Variants in TRDN observed in about 807,000 individuals in gnomAD.
TRDN encodes triadin in skeletal muscle.
In TRDN, 161 loss-of-function variants were observed where a neutral mutation model predicts 149.7. The ratio of observed to expected loss-of-function variants is 1.08; its 90% CI spans 0.95 to 1.23. The LOEUF is 1.23. TRDN is among the 50% of genes most tolerant of loss of function. The pLI, the probability that TRDN is intolerant of heterozygous loss-of-function variation, is 0.00. For missense variants in TRDN, 896 were observed against 823.5 expected (o/e 1.09, Z -1.08); for synonymous variants, 294 against 250.5 (o/e 1.17, Z -1.64).
chr6:123,503,151 T>C, intron 8 of TRDN: 1 of 985,252 alleles, frequency 1.0e-6, no homozygotes, highest in Non-Finnish European at 1.2e-6. Context: ...AGAAATTTAG[T>C]CAATGGAAAC....
At chr6:123,621,040 T>G (rs1482234185) in intron 1 of TRDN, among the ~76,000 whole-genome samples, 1 of 152,070 alleles carries the variant, frequency 6.6e-6, no homozygotes, top group Non-Finnish European at 1.5e-5. Flanking sequence ...ACCTTTTTTG[T>G]CCACTGCTAT....
chr6:123,388,891 G>A (rs1050519473), intron 13 of TRDN, among the ~76,000 whole-genome samples: 1 of 151,928 alleles, frequency 6.6e-6, no homozygotes, highest in African/African-American at 2.4e-5. Flanking sequence ...GTAAAATATA[G>A]GCTGTGACTG....
intron 8 of TRDN, chr6:123,503,298 C>T: frequency 1.0e-6 from 1 of 985,304 alleles, no homozygotes; most frequent in Non-Finnish European, 1.2e-6. Flanking sequence ...GATATTTACT[C>T]TATATGATTC....
chr6:123,351,416 C>T (rs1780459331), intron 21 of TRDN: 1 of 984,724 alleles, frequency 1.0e-6, no homozygotes, highest in Non-Finnish European at 1.2e-6. Flanking sequence ...AGTGCTCCCA[C>T]TTTATATTTC....
intron 12 of TRDN, among the ~76,000 whole-genome samples, chr6:123,428,053 A>G (rs1276169166): frequency 1.3e-5 from 2 of 152,180 alleles, no homozygotes; most frequent in Non-Finnish European, 2.9e-5. Flanking sequence ...CCATCTAGAA[A>G]TGACTTCTTG....
At chr6:123,281,358 C>G (rs1777578893) in intron 24 of TRDN, among the ~76,000 whole-genome samples, 1 of 151,954 alleles carries the variant, frequency 6.6e-6, no homozygotes, top group African/African-American at 2.4e-5. Context: ...TTTTACAGAA[C>G]CCCACCTACT....
intron 1 of TRDN, among the ~76,000 whole-genome samples, chr6:123,583,638 T>A (rs747056556): frequency 6.6e-6 from 1 of 151,924 alleles, no homozygotes; most frequent in African/African-American, 2.4e-5. Flanking sequence ...CAGACTGTAT[T>A]GAGGTAGGAA....
At chr6:123,339,905 C>T (rs185492909) in intron 21 of TRDN, among the ~76,000 whole-genome samples, 27 of 152,092 alleles carry the variant, frequency 1.8e-4, no homozygotes, top group African/African-American at 6.5e-4. Flanking sequence ...TATTGCCAGA[C>T]CTTTAAAAAT....
At chr6:123,544,409 A>G (rs1336001930) in intron 4 of TRDN, among the ~76,000 whole-genome samples, 2 of 151,998 alleles carry the variant, frequency 1.3e-5, no homozygotes, top group South Asian at 2.1e-4. Flanking sequence ...ACGGTTATAA[A>G]CCGGGCATGC....
intron 5 of TRDN, 54 bp downstream of exon 5, chr6:123,530,452 A>T (rs762840641): frequency 9.3e-7 from 1 of 1,076,254 alleles, no homozygotes; most frequent in Non-Finnish European, 1.2e-6. Context: ...CTCGCATATG[A>T]ATACACAAAA....
At chr6:123,326,995 C>T (rs541459524) in intron 23 of TRDN, among the ~76,000 whole-genome samples, 1 of 152,120 alleles carries the variant, frequency 6.6e-6, no homozygotes, top group African/African-American at 2.4e-5. Flanking sequence ...TAACCAAAAG[C>T]TATATATATT....
At chr6:123,244,992 A>T (rs189228114) in intron 38 of TRDN, among the ~76,000 whole-genome samples, 30 of 152,306 alleles carry the variant, frequency 2.0e-4, no homozygotes, top group Non-Finnish European at 2.5e-4. Context: ...ATCCAACCAA[A>T]CTAAGCTTCA....
At chr6:123,421,039 T>C (rs1462148517) in intron 12 of TRDN, among the ~76,000 whole-genome samples, 2 of 152,172 alleles carry the variant, frequency 1.3e-5, no homozygotes, top group East Asian at 3.8e-4. Flanking sequence ...CTTCTTCCAG[T>C]TAAAAGAGAG....
Position 123,438,940 on chromosome 6 carries a change from C to T in TRDN, c.991+4G>A, listed in dbSNP as rs1315475781. 1.9e-6 allele frequency: 3 copies of T among 1,555,798 alleles called. No homozygotes were observed. The highest frequency in any genetic ancestry group is 2.3e-5 in the East Asian group (1 of 42,698). On this transcript the variant is annotated splice_donor_region_variant and intron_variant, in intron 11 of 40. Transcript: ENST00000334268. ...ATGTGGTACATGGCTTTTAAATTTC[C>T]TACCTTTCTTTTTTGTTTCAGAAGT...
At chr6:123,408,313 G>T (rs1289090344) in intron 12 of TRDN, among the ~76,000 whole-genome samples, 1 of 152,048 alleles carries the variant, frequency 6.6e-6, no homozygotes, top group Non-Finnish European at 1.5e-5. Flanking sequence ...ACTTGAATAA[G>T]GTCATATTTT....
intron 1 of TRDN, among the ~76,000 whole-genome samples, chr6:123,621,031 C>A (rs971086338): frequency 1.3e-5 from 2 of 152,050 alleles, no homozygotes; most frequent in African/African-American, 2.4e-5. Context: ...AAAATAGGGA[C>A]CTTTTTTGTC....
intron 35 of TRDN, among the ~76,000 whole-genome samples, chr6:123,256,954 C>A (rs1449498457): frequency 4.7e-5 from 7 of 148,838 alleles, no homozygotes; most frequent in African/African-American, 1.7e-4. Flanking sequence ...GGTTTTAGGT[C>A]TCACATTTAA....
chr6:123,246,811 T>G (rs1776199414), intron 38 of TRDN, among the ~76,000 whole-genome samples: 1 of 151,890 alleles, frequency 6.6e-6, no homozygotes, highest in Admixed American at 6.6e-5. Flanking sequence ...AAAGAAAATT[T>G]CAGGCCAATA....
Position 123,272,967 on chromosome 6 carries a change from G to C in TRDN, c.1669C>G (p.Pro557Ala), listed in dbSNP as rs777613395. Reference sequence around the variant, plus strand: ...ACAAATACCACCTGCAAAATACCTGGTTTACCATGAGAAACAGTCTTTTCT... The same window carrying C: ...ACAAATACCACCTGCAAAATACCTGCTTTACCATGAGAAACAGTCTTTTCT... ...KPEKTVSHGKPEEKVLKQVKA... is the reference protein window; with the variant it reads ...KPEKTVSHGKAEEKVLKQVKA... The change falls in exon 29 of 41, where the codon CCA becomes GCA. Residue 557 changes from proline to alanine, a missense_variant. By Grantham distance (27) the Pro-to-Ala change is conservative. Transcript: ENST00000334268. The C allele has an allele frequency of 6.5e-7, 1 of 1,528,458 alleles. No individual in the cohort carries two copies. Among genetic ancestry groups the C allele is most frequent in the Admixed American group, 2.2e-5 (1 of 44,550 alleles). 94.7% of individuals were successfully genotyped at this position (1,528,458 alleles called of 1,614,324 possible). A position where few individuals can be genotyped will look rare whatever the true frequency, so the allele number is the denominator to read the frequency against.
Sources: allele counts gnomAD v4.1 joint callset (sites outside exome capture counted in the v4.1 genomes callset), GRCh38; gene constraint gnomAD v4.1.1; transcripts MANE v1.5; gene names NCBI Gene and HGNC (gene_info 2026-07-23, HGNC 2026-07-21).